CLASP2: variants seen among roughly 807,000 people sequenced by gnomAD.
The protein encoded by CLASP2 is cytoplasmic linker associated protein 2, also known as CLIP-associating protein 2.
CLASP2 carries 47 observed loss-of-function variants against 194.4 expected under a neutral mutation model. The ratio of observed to expected loss-of-function variants is 0.24; its 90% CI spans 0.19 to 0.31. CLASP2 has a LOEUF of 0.31. Ranked by LOEUF, CLASP2 falls within the 10% of genes least tolerant of loss-of-function variation. The probability of loss-of-function intolerance (pLI) is 1.00; values close to 1 mark genes in which losing one functional copy is unlikely to be tolerated. For missense variants in CLASP2, 1,445 were observed against 1,823.6 expected (o/e 0.79, Z 3.78); for synonymous variants, 619 against 633.5 (o/e 0.98, Z 0.34).
intron 21 of CLASP2, among the ~76,000 whole-genome samples, chr3:33,590,688 C>T (rs1166806687): frequency 6.6e-6 from 1 of 152,088 alleles, no homozygotes; most frequent in Non-Finnish European, 1.5e-5. Flanking sequence ...CATTATTCTG[C>T]CTGGATTTTC....
At chr3:33,538,416 A>G (rs1468944423) in intron 33 of CLASP2, among the ~76,000 whole-genome samples, 1 of 152,196 alleles carries the variant, frequency 6.6e-6, no homozygotes, top group African/African-American at 2.4e-5. Flanking sequence ...TTCTATCCTA[A>G]AACTCTGTAG....
rs2063186854 is a variant in CLASP2 at position 33,568,565 on chromosome 3, A to AAAAAAAAAAAAAC, written c.2764-1832_2764-1831insGTTTTTTTTTTTT. Among the ~76,000 whole-genome samples, 2 of 149,640 alleles carry AAAAAAAAAAAAAC rather than the reference A, an allele frequency of 1.3e-5. 1 individual carries two copies. Among genetic ancestry groups the AAAAAAAAAAAAAC allele is most frequent in the Non-Finnish European group, 3.0e-5 (2 of 67,576 alleles). ...AGAGATCTTGTCTCAAAAAAAAAAA[A>AAAAAAAAAAAAAC]AAAAAAAAAATTACACACACACACA... On this transcript the variant is annotated intron_variant, in intron 26 of 38. Transcript: ENST00000682230.
At chr3:33,669,160 A>G (rs2086703320) in intron 6 of CLASP2, among the ~76,000 whole-genome samples, 1 of 152,228 alleles carries the variant, frequency 6.6e-6, no homozygotes, top group South Asian at 2.1e-4. Context: ...TTATAACAAA[A>G]TAAGAAATGA....
At chr3:33,654,323 T>G (rs1198888450) in intron 7 of CLASP2, among the ~76,000 whole-genome samples, 1 of 152,188 alleles carries the variant, frequency 6.6e-6, no homozygotes, top group African/African-American at 2.4e-5. Context: ...TTTGTGGAAA[T>G]GGAACCACGG....
intron 25 of CLASP2, among the ~76,000 whole-genome samples, chr3:33,571,581 G>C (rs1229988454): frequency 6.6e-6 from 1 of 151,706 alleles, no homozygotes; most frequent in Non-Finnish European, 1.5e-5. Context: ...GTTGCACTGA[G>C]CTGAGATTGT....
chr3:33,505,254 CAACAACAACAACAAA>C (rs1270247388), intron 37 of CLASP2: 7 of 151,314 alleles, frequency 4.6e-5, no homozygotes, highest in South Asian at 2.1e-4. Context: ...ACAACAACAA[CAACAACAACAACAAA>C]ACATAACCAC....
At chr3:33,656,766 ATAGAATAC>A (rs2084301404) in intron 7 of CLASP2, among the ~76,000 whole-genome samples, 1 of 152,032 alleles carries the variant, frequency 6.6e-6, no homozygotes, top group Non-Finnish European at 1.5e-5. Context: ...TGTCCATATT[ATAGAATAC>A]TATGCAACCG....
intron 35 of CLASP2, 128 bp from the exon 36 acceptor site, chr3:33,516,279 TATAC>T: frequency 3.1e-6 from 2 of 643,916 alleles, no homozygotes; most frequent in Non-Finnish European, 4.7e-6. Context: ...AAGTATGCGG[TATAC>T]TATGTAATTA....
At chr3:33,606,783 T>C (rs2073945542) in intron 15 of CLASP2, 25 bp from the exon 16 acceptor site, 1 of 1,546,286 alleles carries the variant, frequency 6.5e-7, no homozygotes, top group East Asian at 2.2e-5. Context: ...GAAAAGCAGA[T>C]GAAGTAATAG....
Position 33,519,160 on chromosome 3 carries a change from GATA to G in CLASP2, c.3788-1989_3788-1987del, listed in dbSNP as rs559228173. ...CAAATATTGACACAATTACAATTCTGATAATATTTTTGTGGCAGTGCTCAAGAA... is the reference window on the plus strand; with the variant it reads ...CAAATATTGACACAATTACAATTCTGATATTTTTGTGGCAGTGCTCAAGAA... On this transcript the variant is annotated intron_variant, in intron 34 of 38. Transcript: ENST00000682230. 6.2e-4 allele frequency among the ~76,000 whole-genome samples: 95 copies of G among 152,240 alleles called. No individual in the cohort carries two copies. In the South Asian group the frequency reaches 6.8e-3, roughly 11 times the overall value.
chr3:33,672,134 T>G (rs1057154463), intron 6 of CLASP2, among the ~76,000 whole-genome samples: 1 of 152,246 alleles, frequency 6.6e-6, no homozygotes, highest in African/African-American at 2.4e-5. Context: ...ACGGGCAGAC[T>G]GCCTCCTCAA....
intron 6 of CLASP2, among the ~76,000 whole-genome samples, chr3:33,666,924 G>T (rs1031166491): frequency 6.6e-6 from 1 of 152,028 alleles, no homozygotes; most frequent in Non-Finnish European, 1.5e-5. Flanking sequence ...CATCCTGGGG[G>T]TGCATAATAG....
At chr3:33,565,545 G>A (rs951271047) in intron 27 of CLASP2, among the ~76,000 whole-genome samples, 3 of 152,154 alleles carry the variant, frequency 2.0e-5, no homozygotes, top group Non-Finnish European at 4.4e-5. Flanking sequence ...TGGGCGTGGT[G>A]GCTCATGCCT....
intron 37 of CLASP2, chr3:33,503,976 CT>C (rs1277879105): frequency 1.3e-5 from 2 of 152,184 alleles, no homozygotes; most frequent in Non-Finnish European, 2.9e-5. Flanking sequence ...TGTACATCTT[CT>C]TTGAAGAAAT....
At chr3:33,717,070 C>G (rs1417465960) in intron 1 of CLASP2, among the ~76,000 whole-genome samples, 1 of 152,178 alleles carries the variant, frequency 6.6e-6, no homozygotes, top group Non-Finnish European at 1.5e-5. Flanking sequence ...TGCCTACCAC[C>G]AACTCTTCAG....
chr3:33,641,628 T>C (rs2081311948), intron 8 of CLASP2, among the ~76,000 whole-genome samples: 1 of 152,022 alleles, frequency 6.6e-6, no homozygotes, highest in Admixed American at 6.5e-5. Flanking sequence ...TTTAATTAAC[T>C]GGATAGGATA....
At chr3:33,561,281 T>C (rs12491982) in intron 27 of CLASP2, among the ~76,000 whole-genome samples, 10,981 of 152,262 alleles carry the variant, frequency 0.072, 491 homozygotes, top group Admixed American at 0.1. Context: ...CTGGGTAAAG[T>C]GAAATCTGTT....
At chr3:33,675,834 T>A (rs557735638) in intron 6 of CLASP2, among the ~76,000 whole-genome samples, 1 of 143,536 alleles carries the variant, frequency 7.0e-6, no homozygotes, top group Non-Finnish European at 1.5e-5. Context: ...CCATTCACAA[T>A]TGCTTCCAAG....
At chr3:33,665,122 A>G (rs1017905725) in intron 6 of CLASP2, among the ~76,000 whole-genome samples, 3 of 152,192 alleles carry the variant, frequency 2.0e-5, no homozygotes, top group East Asian at 1.9e-4. Context: ...AAAAGAAAGA[A>G]AGAAAGGAGA....
Sources: gnomAD v4.1 joint callset for allele counts (sites outside exome capture counted in the v4.1 genomes callset) on GRCh38, gnomAD v4.1.1 for gene constraint, MANE v1.5 for transcripts, NCBI Gene and HGNC (gene_info 2026-07-23, HGNC 2026-07-21) for gene names.